The following KDM7A variants were observed in gnomAD, a reference collection of about 807,000 sequenced individuals.
The protein encoded by KDM7A is lysine-specific demethylase 7A.
A neutral mutation model predicts 114.8 loss-of-function variants in KDM7A; 28 were observed. The ratio of observed to expected loss-of-function variants is 0.24; its 90% CI spans 0.18 to 0.33. The LOEUF is 0.33. KDM7A is among the 10% of genes least tolerant of loss of function. KDM7A has a pLI of 1.00. For synonymous variants in KDM7A, 423 were observed against 397.8 expected, an observed-to-expected ratio of 1.06 and a Z score of -0.75; for missense variants, 942 against 1,142.5, an observed-to-expected ratio of 0.82 and a Z score of 2.53.
chr7:140,098,879 C>A lies in KDM7A; in HGVS notation c.1918G>T (p.Gly640Trp), dbSNP rs1385440485. 2 of 1,603,262 alleles carry A rather than the reference C, an allele frequency of 1.2e-6. No homozygotes were observed. The highest frequency in any genetic ancestry group is 1.7e-5 in the Admixed American group (1 of 58,540). The change falls in exon 14 of 20, where the codon GGG (glycine) becomes TGG (tryptophan). Residue 640 changes from glycine (G) to tryptophan (W), a missense_variant and splice_region_variant. Gly to Trp is a radical substitution (Grantham distance 184). Coordinates refer to ENST00000397560, the MANE Select transcript of KDM7A (RefSeq NM_030647.2). The part of the protein sequence containing the change: ...EHEESQKPLN[G>W]FFTRVKSELR... ...TAAAATAACCATTAAAAAAACATACCATTCAGTGGTTTTTGAGATTCTTCA... is the reference window on the plus strand; with the variant it reads ...TAAAATAACCATTAAAAAAACATACAATTCAGTGGTTTTTGAGATTCTTCA...
intron 1 of KDM7A, among the ~76,000 whole-genome samples, chr7:140,154,208 A>G (rs1311149240): frequency 6.6e-6 from 1 of 152,088 alleles, no homozygotes; most frequent in Non-Finnish European, 1.5e-5. Flanking sequence ...TGTCCTGGAC[A>G]GGCACAGTAG....
At chr7:140,123,962 T>C (rs2116796647) in intron 7 of KDM7A, among the ~76,000 whole-genome samples, 1 of 150,934 alleles carries the variant, frequency 6.6e-6, no homozygotes, top group South Asian at 2.1e-4. Context: ...CCCAGCTACT[T>C]GGAAGGCTGA....
intron 1 of KDM7A, among the ~76,000 whole-genome samples, chr7:140,167,644 G>A (rs115785255): frequency 0.024 from 3,607 of 151,786 alleles, 142 homozygotes; most frequent in African/African-American, 0.083. Context: ...CCATTTAGAA[G>A]CTTAAAAAAT....
At position 140,176,666 on chromosome 7, in the gene KDM7A, G is replaced by A. The variant is rs1794713803; in HGVS notation, c.194+78C>T. On this transcript the variant is annotated intron_variant, in intron 1 of 19. Transcript: ENST00000397560. The surrounding 1 kb of genome is among the most constrained non-coding windows in gnomAD (Gnocchi z 4.4). ...CGGCGCGGCGGCCCGGCCCGAGGGA[G>A]GCGCGGGCGGCCGGCGGCGGCGGCG... 3 of 998,650 alleles carry A rather than the reference G, an allele frequency of 3.0e-6. No individual in the cohort carries two copies. The highest frequency in any genetic ancestry group is 3.6e-6 in the Non-Finnish European group (3 of 827,102). The allele number at this position is 998,650 out of a possible 1,614,324, so 61.9% of individuals were successfully genotyped here.
At chr7:140,121,924 G>C (rs1818623528) in intron 7 of KDM7A, among the ~76,000 whole-genome samples, 1 of 152,118 alleles carries the variant, frequency 6.6e-6, no homozygotes. Flanking sequence ...ACAACCTTGG[G>C]AAAAGAATTA....
intron 1 of KDM7A, among the ~76,000 whole-genome samples, chr7:140,155,112 ACTAT>A (rs1047703551): frequency 6.6e-6 from 1 of 152,158 alleles, no homozygotes; most frequent in Non-Finnish European, 1.5e-5. Flanking sequence ...ACTTTCTAAA[ACTAT>A]CTTTTTAACC....
At chr7:140,127,696 T>A in intron 4 of KDM7A, 113 bp from the exon 5 acceptor site, 1 of 895,784 alleles carries the variant, frequency 1.1e-6, no homozygotes, top group Non-Finnish European at 1.8e-6. Flanking sequence ...TAAAACTATG[T>A]AGTCTAGACA....
chr7:140,175,759 G>C (rs1052026429), intron 1 of KDM7A, among the ~76,000 whole-genome samples: 21 of 151,920 alleles, frequency 1.4e-4, no homozygotes, highest in African/African-American at 5.1e-4. Context: ...AGAGGGCAGC[G>C]TCCGCCGCCG....
intron 9 of KDM7A, among the ~76,000 whole-genome samples, chr7:140,114,194 T>C (rs1331600595): frequency 6.6e-6 from 1 of 152,068 alleles, no homozygotes; most frequent in East Asian, 1.9e-4. Flanking sequence ...CCCTCCCCTT[T>C]CCACGGTCTC....
chr7:140,107,315 T>C (rs1384937368), intron 11 of KDM7A, among the ~76,000 whole-genome samples: 1 of 152,226 alleles, frequency 6.6e-6, no homozygotes, highest in African/African-American at 2.4e-5. Context: ...CCACTCATTA[T>C]GATGTTAGCT....
intron 2 of KDM7A, among the ~76,000 whole-genome samples, chr7:140,138,117 G>A (rs577818696): frequency 1.3e-5 from 2 of 152,062 alleles, no homozygotes; most frequent in Non-Finnish European, 2.9e-5. Flanking sequence ...AGACCAGCCT[G>A]GGCAACAAAG....
intron 1 of KDM7A, among the ~76,000 whole-genome samples, chr7:140,151,624 C>A (rs1244614920): frequency 6.6e-6 from 1 of 152,268 alleles, no homozygotes; most frequent in South Asian, 2.1e-4. Flanking sequence ...GTTCAGGCAA[C>A]TATAATCCTC....
At chr7:140,108,631 A>G (rs1354887142) in intron 11 of KDM7A, among the ~76,000 whole-genome samples, 1 of 152,176 alleles carries the variant, frequency 6.6e-6, no homozygotes, top group Non-Finnish European at 1.5e-5. Flanking sequence ...TTCCTCTGGA[A>G]GCTTCGTCTC....
intron 5 of KDM7A, among the ~76,000 whole-genome samples, chr7:140,127,059 C>T (rs922371369): frequency 3.9e-5 from 6 of 152,276 alleles, no homozygotes; most frequent in African/African-American, 9.6e-5. Flanking sequence ...CTGCCGGGTT[C>T]GAGAGATCTC....
rs373940936 is a variant in KDM7A, at chr7:140,091,897, T to G, written c.2638A>C (p.Arg880=). The G allele has an allele frequency of 9.3e-6, 15 of 1,613,952 alleles. No homozygotes were observed. The African/African-American group carries it at 1.7e-4, about 19-fold the overall frequency. ...QISNGSLSPE[R]PVGETSFSVP... ...GAGAAGGAAGTTTCACCAACTGGCC[T>G]TTCTGGGCTTAGACTGCCATTACTT... The change falls in exon 19 of 20, where the codon AGG becomes CGG. Residue 880 remains arginine, a synonymous_variant. Coordinates refer to ENST00000397560, the MANE Select transcript of KDM7A (RefSeq NM_030647.2).
intron 1 of KDM7A, among the ~76,000 whole-genome samples, chr7:140,149,799 A>G (rs1794379052): frequency 6.6e-6 from 1 of 152,192 alleles, no homozygotes; most frequent in African/African-American, 2.4e-5. Flanking sequence ...GGAAGAAAAA[A>G]CTTGCCATGA....
At position 140,175,754 on chromosome 7, in the gene KDM7A, G is replaced by A. The variant is rs1794696867; in HGVS notation, c.194+990C>T. Among the ~76,000 whole-genome samples the A allele has an allele frequency of 3.3e-5, 5 of 152,008 alleles. No homozygotes were observed. In the South Asian group the frequency reaches 1.0e-3, roughly 32 times the overall value. ...AGCGCGGCGGCGGCTGAATCAGAGGGCAGCGTCCGCCGCCGCCGCCAGCCG... is the reference window on the plus strand; with the variant it reads ...AGCGCGGCGGCGGCTGAATCAGAGGACAGCGTCCGCCGCCGCCGCCAGCCG... On this transcript the variant is annotated intron_variant, in intron 1 of 19. Transcript: ENST00000397560.
At chr7:140,155,737 C>T (rs752929166) in intron 1 of KDM7A, among the ~76,000 whole-genome samples, 6 of 152,208 alleles carry the variant, frequency 3.9e-5, no homozygotes. Context: ...GGTGCACAAA[C>T]AGTCCAGCAG....
intron 1 of KDM7A, among the ~76,000 whole-genome samples, chr7:140,162,937 C>T (rs946592512): frequency 2.0e-5 from 3 of 151,578 alleles, no homozygotes; most frequent in African/African-American, 7.3e-5. Flanking sequence ...ATATGAGAAG[C>T]TCTCTGAGAT....
Sources: allele counts gnomAD v4.1 joint callset (sites outside exome capture counted in the v4.1 genomes callset), GRCh38; gene constraint gnomAD v4.1.1; non-coding constraint Gnocchi (gnomAD v3.1); transcripts MANE v1.5; gene names NCBI Gene and HGNC (gene_info 2026-07-23, HGNC 2026-07-21).